The following EEFSEC variants were observed in gnomAD, a reference collection of about 807,000 sequenced individuals.
EEFSEC encodes the protein eukaryotic elongation factor, selenocysteine-tRNA specific.
A neutral mutation model predicts 42.1 loss-of-function variants in EEFSEC; 43 were observed. That is an observed-to-expected ratio of 1.02 (90% CI 0.80 to 1.32). EEFSEC has a LOEUF of 1.32. Ranked by LOEUF, EEFSEC falls within the 40% of genes most tolerant of loss-of-function variation. EEFSEC has a pLI of 0.00. For synonymous variants in EEFSEC, 354 were observed against 339.1 expected (o/e 1.04, Z -0.48); for missense variants, 745 against 803.6 (o/e 0.93, Z 0.88).
At chr3:128,377,241 A>G (rs1576683862) in intron 6 of EEFSEC, among the ~76,000 whole-genome samples, 2 of 151,706 alleles carry the variant, frequency 1.3e-5, no homozygotes, top group East Asian at 3.9e-4. Flanking sequence ...TTTTCAATTA[A>G]TATTTATTAT....
At chr3:128,388,317 A>G (rs1294996260) in intron 6 of EEFSEC, among the ~76,000 whole-genome samples, 1 of 152,112 alleles carries the variant, frequency 6.6e-6, no homozygotes, top group East Asian at 1.9e-4. Flanking sequence ...CTGCATGCCA[A>G]GTCCCCCTCC....
chr3:128,209,452 G>A (rs2065733600), intron 1 of EEFSEC, among the ~76,000 whole-genome samples: 1 of 152,186 alleles, frequency 6.6e-6, no homozygotes, highest in Admixed American at 6.5e-5. Context: ...GTATGGGCCA[G>A]CTTCTGGGAG....
chr3:128,382,773 G>A (rs116695931), intron 6 of EEFSEC, among the ~76,000 whole-genome samples: 1,717 of 151,782 alleles, frequency 0.011, 23 homozygotes, highest in African/African-American at 0.039. Context: ...TTTTCCCTCC[G>A]TAGTCTCAGA....
chr3:128,210,952 C>T (rs1005665358), intron 1 of EEFSEC, among the ~76,000 whole-genome samples: 2 of 152,198 alleles, frequency 1.3e-5, no homozygotes, highest in African/African-American at 2.4e-5. Context: ...AGACTGACTT[C>T]GCCAACTGCC....
At chr3:128,201,477 A>G (rs187951844) in intron 1 of EEFSEC, among the ~76,000 whole-genome samples, 2 of 152,260 alleles carry the variant, frequency 1.3e-5, no homozygotes, top group East Asian at 3.9e-4. Context: ...AACATTGAAT[A>G]CTTTTTAATG....
chr3:128,398,137 G>A (rs1197958558), intron 6 of EEFSEC, among the ~76,000 whole-genome samples: 3 of 152,240 alleles, frequency 2.0e-5, no homozygotes, highest in Admixed American at 6.5e-5. Context: ...TCCTGGCATT[G>A]CTGGGCTGTG....
intron 1 of EEFSEC, among the ~76,000 whole-genome samples, chr3:128,219,264 C>T (rs2107844281): frequency 6.6e-6 from 1 of 152,358 alleles, no homozygotes. Context: ...CTTTGATATA[C>T]ATTGTCCACA....
chr3:128,303,155 C>A (rs752298237), intron 4 of EEFSEC, among the ~76,000 whole-genome samples: 2 of 152,012 alleles, frequency 1.3e-5, no homozygotes. Flanking sequence ...TTTGTAGAGA[C>A]GGAGGTCTCA....
intron 4 of EEFSEC, among the ~76,000 whole-genome samples, chr3:128,330,440 A>G (rs1302384339): frequency 1.3e-5 from 2 of 152,206 alleles, no homozygotes; most frequent in African/African-American, 4.8e-5. Context: ...TCCAGGAAAC[A>G]ACAGAGCGCA....
chr3:128,210,210 GGA>G (rs1390497354), intron 1 of EEFSEC, among the ~76,000 whole-genome samples: 4 of 152,206 alleles, frequency 2.6e-5, no homozygotes, highest in Non-Finnish European at 2.9e-5. Context: ...CAGGACTGGG[GGA>G]CAAACAGAGA....
chr3:128,400,057 C>A (rs549812754), intron 6 of EEFSEC, among the ~76,000 whole-genome samples: 2 of 152,290 alleles, frequency 1.3e-5, no homozygotes, highest in East Asian at 3.9e-4. Context: ...ATTAGGGACA[C>A]TTCTGCCCTT....
At chr3:128,416,169 T>G in the EEFSEC span, among the ~76,000 whole-genome samples, 1 of 150,948 alleles carries the variant, frequency 6.6e-6, no homozygotes, top group Non-Finnish European at 1.5e-5. Context: ...GGCCGGAAGG[T>G]GGGGGAGGGG....
At chr3:128,174,284 T>G (rs536570643) in intron 1 of EEFSEC, among the ~76,000 whole-genome samples, 1 of 152,308 alleles carries the variant, frequency 6.6e-6, no homozygotes, top group East Asian at 1.9e-4. Context: ...GAAAATACAG[T>G]TTACAATACC....
chr3:128,372,251 T>C (rs1440060698), intron 6 of EEFSEC, among the ~76,000 whole-genome samples: 1 of 152,164 alleles, frequency 6.6e-6, no homozygotes, highest in Non-Finnish European at 1.5e-5. Flanking sequence ...CCAGCAATCT[T>C]AGATACCTGA....
intron 4 of EEFSEC, among the ~76,000 whole-genome samples, chr3:128,277,894 G>A (rs1360846147): frequency 2.0e-5 from 3 of 152,198 alleles, no homozygotes; most frequent in African/African-American, 4.8e-5. Context: ...AGATGAGCAA[G>A]GTGTGGGTAG....
chr3:128,281,004 C>T (rs1576604149), intron 4 of EEFSEC, among the ~76,000 whole-genome samples: 1 of 152,190 alleles, frequency 6.6e-6, no homozygotes, highest in East Asian at 1.9e-4. Flanking sequence ...ACAGCAGCTG[C>T]CATCTTTGCT....
rs182498622 is a variant in EEFSEC at position 128,265,764 on chromosome 3, G to T, written c.786+983G>T. ...ATTTTAAGGTTGTCTGGCTCACTAGGTGTGTTGGTTAAGGTTCTCCGGAGA... is the reference window on the plus strand; with the variant it reads ...ATTTTAAGGTTGTCTGGCTCACTAGTTGTGTTGGTTAAGGTTCTCCGGAGA... On this transcript the variant is annotated intron_variant, in intron 4 of 6. Transcript: ENST00000254730. Among the ~76,000 whole-genome samples the T allele has an allele frequency of 7.3e-3, 1,106 of 152,288 alleles. 17 individuals are homozygous for T. The highest frequency in any genetic ancestry group is 0.011 in the Non-Finnish European group (751 of 68,008).
At chr3:128,370,508 ACT>A (rs1007791869) in intron 6 of EEFSEC, among the ~76,000 whole-genome samples, 13 of 152,014 alleles carry the variant, frequency 8.6e-5, no homozygotes, top group African/African-American at 3.1e-4. Context: ...GGCAGAGCTG[ACT>A]CTCTGGAGCC....
At chr3:128,160,132 C>G (rs1175161074) in intron 1 of EEFSEC, among the ~76,000 whole-genome samples, 2 of 152,254 alleles carry the variant, frequency 1.3e-5, no homozygotes, top group East Asian at 3.8e-4. Context: ...CAGAAGGCAA[C>G]TAGCTTAGGG....
Sources: allele counts gnomAD v4.1 joint callset (sites outside exome capture counted in the v4.1 genomes callset), GRCh38; gene constraint gnomAD v4.1.1; transcripts MANE v1.5; gene names NCBI Gene and HGNC (gene_info 2026-07-23, HGNC 2026-07-21).